The following ZBTB44 variants were observed in gnomAD, a reference collection of about 807,000 sequenced individuals.
The protein encoded by ZBTB44 is zinc finger and BTB domain containing 44.
Under a neutral mutation model 54.0 loss-of-function variants are expected in ZBTB44, and 15 were observed. The observed-to-expected ratio is 0.28, with a 90% CI of 0.19 to 0.43. The LOEUF (loss-of-function observed/expected upper bound fraction) is 0.43. ZBTB44 is among the 20% of genes least tolerant of loss of function. The pLI is 1.00. For missense variants in ZBTB44, 487 were observed against 707.1 expected (o/e 0.69, Z 3.53); for synonymous variants, 230 against 250.1 (o/e 0.92, Z 0.76).
In ZBTB44 at chr11:130,263,247, A is replaced by G. The variant is rs544461403; in HGVS notation, c.-56-1318T>C. Among the ~76,000 whole-genome samples, 5 of 152,334 alleles carry G rather than the reference A, an allele frequency of 3.3e-5. No homozygotes were observed. In the East Asian group the frequency reaches 9.6e-4, roughly 29 times the overall value. Reference sequence around the variant, plus strand: ...AGTTCGAATGTAAACTGAGTGCTCCACATACCCTTCCTGAAGTCAACTGAC... The same window carrying G: ...AGTTCGAATGTAAACTGAGTGCTCCGCATACCCTTCCTGAAGTCAACTGAC... On this transcript the variant is annotated intron_variant, in intron 1 of 7. Transcript: ENST00000357899.
intron 2 of ZBTB44, among the ~76,000 whole-genome samples, chr11:130,245,967 CCT>C (rs1314933743): frequency 5.9e-5 from 9 of 152,310 alleles, no homozygotes; most frequent in Admixed American, 5.2e-4. Context: ...GTCTAGATCC[CCT>C]GATTCAATGG....
chr11:130,302,404 A>G (rs1329067700), intron 1 of ZBTB44, among the ~76,000 whole-genome samples: 1 of 152,200 alleles, frequency 6.6e-6, no homozygotes, highest in Non-Finnish European at 1.5e-5. Flanking sequence ...GGACACAAAG[A>G]CAAAGAGAAG....
intron 1 of ZBTB44, among the ~76,000 whole-genome samples, chr11:130,290,532 T>C (rs1455925951): frequency 2.0e-5 from 3 of 152,200 alleles, no homozygotes; most frequent in Non-Finnish European, 2.9e-5. Flanking sequence ...GCCTCTGCCT[T>C]GGACTACTGA....
intron 1 of ZBTB44, among the ~76,000 whole-genome samples, chr11:130,271,191 ATAGT>A (rs541965491): frequency 6.6e-6 from 1 of 151,942 alleles, no homozygotes; most frequent in Non-Finnish European, 1.5e-5. Context: ...TTCATTATAA[ATAGT>A]TAAAGGAAAA....
Position 130,228,406 on chromosome 11 carries a change from C to T in ZBTB44, c.*3358G>A, listed in dbSNP as rs1953760151. The T allele has an allele frequency of 6.6e-6, 1 of 152,178 alleles. No homozygotes were observed. Among genetic ancestry groups the T allele is most frequent in the Non-Finnish European group, 1.5e-5 (1 of 68,032 alleles). 9.4% of individuals were successfully genotyped at this position (152,178 alleles called of 1,614,324 possible). A position where few individuals can be genotyped will look rare whatever the true frequency, so the allele number is the denominator to read the frequency against. On this transcript the variant is annotated 3_prime_UTR_variant, in exon 8 of 8. Transcript: ENST00000357899. ...TTTCAACAATTTAATGGACTACTCT[C>T]ATTATGAGAGACTTTACACAGCATC...
chr11:130,281,550 A>AATAAATAT (rs1940510273), intron 1 of ZBTB44, among the ~76,000 whole-genome samples: 2 of 150,900 alleles, frequency 1.3e-5, no homozygotes, highest in Non-Finnish European at 3.0e-5. Flanking sequence ...TAAATAAATA[A>AATAAATAT]ATAAATAAAT....
chr11:130,282,040 G>A (rs915756557), intron 1 of ZBTB44, among the ~76,000 whole-genome samples: 1 of 152,192 alleles, frequency 6.6e-6, no homozygotes, highest in South Asian at 2.1e-4. Context: ...GATGGAGTGA[G>A]ACCCAATTTC....
In ZBTB44 at chr11:130,231,284, A is replaced by G. The variant is rs191148313; in HGVS notation, c.*480T>C. The G allele has an allele frequency of 2.0e-5, 3 of 152,244 alleles. No individual in the cohort carries two copies. The highest frequency in any genetic ancestry group is 7.2e-5 in the African/African-American group (3 of 41,572). 9.4% of individuals were successfully genotyped at this position (152,244 alleles called of 1,614,324 possible). A position where few individuals can be genotyped will look rare whatever the true frequency, so the allele number is the denominator to read the frequency against. On this transcript the variant is annotated 3_prime_UTR_variant, in exon 8 of 8. Transcript: ENST00000357899. The stretch of plus-strand genomic sequence containing the variant: ...TCCAATATCCTTAAAGTACATATAT[A>G]TCAAGAAAAATGTACCCTCACTGAA...
intron 1 of ZBTB44, among the ~76,000 whole-genome samples, chr11:130,288,392 T>TA (rs1253587598): frequency 1.1e-4 from 16 of 150,014 alleles, no homozygotes; most frequent in South Asian, 2.1e-4. Context: ...AATAAATAAA[T>TA]AAATAAAATA....
rs1387369345 is a variant in ZBTB44 at position 130,261,538 on chromosome 11, T to C, written c.336A>G (p.Gln112=). 2 of 1,613,922 alleles carry C rather than the reference T, an allele frequency of 1.2e-6. No homozygotes were observed. ...AGCAGGTGCTGGCAACACTGAACAT[T>C]TGCATATAGCTGGCTGCTGCTAGAA... ...IDVLAAASYM[Q]MFSVASTCSE... The change falls in exon 2 of 8, where the codon CAA becomes CAG. Residue 112 remains glutamine, a synonymous_variant. Transcript: ENST00000357899. The surrounding 1 kb of genome is among the most constrained non-coding windows in gnomAD (Gnocchi z 4.8).
Position 130,296,321 on chromosome 11 carries a change from A to C in ZBTB44, c.-57+18054T>G, listed in dbSNP as rs112574549. The C allele has an allele frequency of 1.7e-4, 265 of 1,523,604 alleles. 2 individuals are homozygous for C. The African/African-American group carries it at 3.1e-3, about 18-fold the overall frequency. 94.4% of individuals were successfully genotyped at this position (1,523,604 alleles called of 1,614,324 possible). ...TCTTTACATTCCTTAAGAAGAACCG[A>C]AAGAAGCTCGTGGTCTTCTTTTCAT... On this transcript the variant is annotated intron_variant, in intron 1 of 7. Transcript: ENST00000357899.
chr11:130,284,065 G>T (rs1284875471), intron 1 of ZBTB44, among the ~76,000 whole-genome samples: 4 of 151,134 alleles, frequency 2.6e-5, no homozygotes, highest in Non-Finnish European at 5.9e-5. Context: ...GAGGTGGGCA[G>T]ATCACCTGAG....
At chr11:130,279,871 C>CA (rs1357156105) in intron 1 of ZBTB44, among the ~76,000 whole-genome samples, 1 of 152,162 alleles carries the variant, frequency 6.6e-6, no homozygotes, top group African/African-American at 2.4e-5. Context: ...AAGTAAGCTG[C>CA]ATTCAGAAGA....
intron 2 of ZBTB44, among the ~76,000 whole-genome samples, chr11:130,255,952 T>C (rs1377931628): frequency 8.3e-6 from 1 of 121,172 alleles, no homozygotes; most frequent in African/African-American, 3.2e-5. Context: ...TCTCCTGAAA[T>C]AGCCTACCAA....
intron 1 of ZBTB44, among the ~76,000 whole-genome samples, chr11:130,307,994 G>A (rs1226177807): frequency 6.6e-6 from 1 of 152,112 alleles, no homozygotes; most frequent in East Asian, 1.9e-4. Flanking sequence ...CCAAAGTACT[G>A]GGATTACAGG....
At chr11:130,249,661 G>A (rs566659252) in intron 2 of ZBTB44, among the ~76,000 whole-genome samples, 1 of 152,320 alleles carries the variant, frequency 6.6e-6, no homozygotes, top group East Asian at 1.9e-4. Context: ...GAAGCAGGGT[G>A]GGGCGTTACC....
chr11:130,294,180 G>C (rs1213311815), intron 1 of ZBTB44, among the ~76,000 whole-genome samples: 1 of 151,908 alleles, frequency 6.6e-6, no homozygotes, highest in African/African-American at 2.4e-5. Flanking sequence ...GGGCCGAGAT[G>C]GGTGGATCTC....
chr11:130,276,232 CA>C (rs757286125), intron 1 of ZBTB44, among the ~76,000 whole-genome samples: 3 of 31,748 alleles, frequency 9.4e-5, no homozygotes, highest in Admixed American at 5.8e-4. Flanking sequence ...AACTCTGTCT[CA>C]AAAAAAAAAA....
At chr11:130,238,379 C>A in intron 4 of ZBTB44, 65 bp downstream of exon 4, 1 of 1,426,736 alleles carries the variant, frequency 7.0e-7, no homozygotes, top group Non-Finnish European at 9.2e-7. Flanking sequence ...TCTATTTTAA[C>A]TGGGACTGCA....
Sources: gnomAD v4.1 joint callset for allele counts (sites outside exome capture counted in the v4.1 genomes callset) on GRCh38, gnomAD v4.1.1 for gene constraint, Gnocchi (gnomAD v3.1) non-coding constraint, MANE v1.5 for transcripts, NCBI Gene and HGNC (gene_info 2026-07-23, HGNC 2026-07-21) for gene names.